DMD: variants seen among roughly 807,000 people sequenced by gnomAD.
DMD encodes the protein mutant dystrophin.
DMD carries 63 observed loss-of-function variants against 330.1 expected under a neutral mutation model. The ratio of observed to expected loss-of-function variants is 0.19; its 90% CI spans 0.16 to 0.24. The LOEUF (loss-of-function observed/expected upper bound fraction) is 0.24, where lower values mean the gene tolerates loss of function less well. DMD is among the 10% of genes least tolerant of loss of function. The pLI is 1.00. For synonymous variants in DMD, 1,223 were observed against 959.8 expected (o/e 1.27, Z -5.07); for missense variants, 3,344 against 2,684.1 (o/e 1.25, Z -5.43).
chrX:31,859,605 A>G (rs745404660), intron 48 of DMD, among the ~76,000 whole-genome samples: 1 of 112,344 alleles, frequency 8.9e-6, no homozygotes, highest in South Asian at 3.7e-4. Flanking sequence ...AGGAATGGAT[A>G]AGTGTTAGCC....
chrX:32,392,894 C>A (rs752490179), intron 30 of DMD, among the ~76,000 whole-genome samples: 1 of 112,746 alleles, frequency 8.9e-6, no homozygotes, highest in African/African-American at 3.2e-5. Context: ...AGGCTTTCAG[C>A]CAACAACTGC....
intron 21 of DMD, among the ~76,000 whole-genome samples, chrX:32,475,438 C>G (rs1218287878): frequency 9.0e-6 from 1 of 111,033 alleles, no homozygotes; most frequent in African/African-American, 3.3e-5. Context: ...TGTAGATTGC[C>G]TTTGGCAGTA....
intron 7 of DMD, among the ~76,000 whole-genome samples, chrX:32,723,977 G>A (rs1274082729): frequency 9.0e-6 from 1 of 111,497 alleles, no homozygotes; most frequent in East Asian, 2.8e-4. Flanking sequence ...GTAGCCCATG[G>A]GCTGTGAGTT....
intron 55 of DMD, among the ~76,000 whole-genome samples, chrX:31,617,067 TA>T (rs1333444654): frequency 3.6e-5 from 4 of 111,788 alleles, no homozygotes; most frequent in Admixed American, 1.9e-4. Flanking sequence ...CTACATACAG[TA>T]AGAAATGTGG....
intron 2 of DMD, among the ~76,000 whole-genome samples, chrX:32,921,546 T>A (rs1330524550): frequency 9.0e-6 from 1 of 111,561 alleles, no homozygotes; most frequent in Non-Finnish European, 1.9e-5. Flanking sequence ...CGTGGCCATG[T>A]GTATGACTAT....
intron 1 of DMD, among the ~76,000 whole-genome samples, chrX:33,328,377 T>C (rs1194753977): frequency 9.1e-6 from 1 of 110,026 alleles, no homozygotes; most frequent in African/African-American, 3.3e-5. Context: ...TTTGTGTTTT[T>C]AGTAGAGATG....
At chrX:33,281,090 G>C (rs987651279) in intron 1 of DMD, among the ~76,000 whole-genome samples, 1 of 111,690 alleles carries the variant, frequency 9.0e-6, no homozygotes, top group East Asian at 2.8e-4. Context: ...CATATATTTA[G>C]GTCTTCTTTA....
intron 34 of DMD, among the ~76,000 whole-genome samples, chrX:32,376,744 T>G (rs1410174819): frequency 9.1e-6 from 1 of 109,381 alleles, no homozygotes; most frequent in African/African-American, 3.3e-5. Flanking sequence ...AACTTAAGTG[T>G]TAGATCATTG....
intron 67 of DMD, among the ~76,000 whole-genome samples, chrX:31,198,057 G>T (rs2043090341): frequency 1.0e-5 from 1 of 98,370 alleles, no homozygotes; most frequent in African/African-American, 3.8e-5. Context: ...TTGAACTCAT[G>T]GAGATAGAGT....
intron 7 of DMD, among the ~76,000 whole-genome samples, chrX:32,759,843 TGGGGGGGGG>T (rs748482113): frequency 2.8e-5 from 1 of 35,198 alleles, no homozygotes; most frequent in Admixed American, 4.4e-4. Flanking sequence ...AGGTTTTTCT[TGGGGGGGGG>T]GGGGGGGCGG....
chrX:33,061,048 C>T (rs2094576813), intron 1 of DMD, among the ~76,000 whole-genome samples: 1 of 111,734 alleles, frequency 8.9e-6, no homozygotes, highest in African/African-American at 3.2e-5. Flanking sequence ...CAACATCTTA[C>T]GGGATCAATG....
chrX:32,583,755 G>A (rs2053919213), intron 13 of DMD: 1 of 112,103 alleles, frequency 8.9e-6, no homozygotes, highest in South Asian at 3.9e-4. Context: ...CCAACTTGTT[G>A]TTTCAGTTGG....
intron 7 of DMD, among the ~76,000 whole-genome samples, chrX:32,722,119 T>G (rs1484839040): frequency 9.1e-6 from 1 of 110,354 alleles, no homozygotes; most frequent in African/African-American, 3.3e-5. Context: ...TCCTCAAGAT[T>G]GTTCTGGCTA....
At chrX:31,286,490 C>T (rs1175988077) in intron 62 of DMD, among the ~76,000 whole-genome samples, 1 of 111,833 alleles carries the variant, frequency 8.9e-6, no homozygotes, top group African/African-American at 3.2e-5. Flanking sequence ...GTATTAAAGT[C>T]ACCAGTCTGT....
At chrX:33,324,886 A>G (rs1041952297) in intron 1 of DMD, among the ~76,000 whole-genome samples, 1 of 111,197 alleles carries the variant, frequency 9.0e-6, no homozygotes, top group African/African-American at 3.3e-5. Context: ...TCCACTTCTG[A>G]TTGTGGTTAT....
chrX:32,187,562 G>A lies in DMD; in HGVS notation c.6438+29354C>T, dbSNP rs184459368. ...TATTCCAGAACACTGTTCTCAGAAG[G>A]GCAGTAACTGCAACCAAGTTAGTTT... is the stretch of plus-strand genomic sequence containing the variant. On this transcript the variant is annotated intron_variant, in intron 44 of 78. Transcript: ENST00000357033. Among the ~76,000 whole-genome samples, 3 of 111,215 alleles carry A rather than the reference G, an allele frequency of 2.7e-5. No homozygotes were observed. The East Asian group carries it at 8.5e-4, about 31-fold the overall frequency.
chrX:31,389,449 A>C (rs2148779884), intron 60 of DMD, among the ~76,000 whole-genome samples: 1 of 112,218 alleles, frequency 8.9e-6, no homozygotes, highest in East Asian at 2.8e-4. Flanking sequence ...AAACCACTCT[A>C]GGCAGCTGAT....
At chrX:31,905,255 G>C (rs7060678) in intron 47 of DMD, among the ~76,000 whole-genome samples, 38,788 of 109,855 alleles carry the variant, frequency 0.35, 6,379 homozygotes, top group African/African-American at 0.65. Context: ...TGAGTTGTTG[G>C]TACTTCAAAT....
chrX:33,033,762 T>G (rs982638469), intron 1 of DMD, among the ~76,000 whole-genome samples: 2 of 110,510 alleles, frequency 1.8e-5, no homozygotes, highest in African/African-American at 3.3e-5. Flanking sequence ...TGCACTTAGG[T>G]ATCACTGAGT....
Sources: gnomAD v4.1 joint callset for allele counts (sites outside exome capture counted in the v4.1 genomes callset) on GRCh38, gnomAD v4.1.1 for gene constraint, MANE v1.5 for transcripts, NCBI Gene and HGNC (gene_info 2026-07-23, HGNC 2026-07-21) for gene names.